Variants in ORC2 observed in about 807,000 individuals in gnomAD.
The protein encoded by ORC2 is origin recognition complex protein 2 homolog.
In ORC2, 37 loss-of-function variants were observed where a neutral mutation model predicts 77.7. That is an observed-to-expected ratio of 0.48 (90% CI 0.37 to 0.63). The LOEUF is 0.63. Among genes scored for constraint, ORC2 ranks in the 20% least tolerant of loss-of-function variants. ORC2 has a pLI of 0.00. For missense variants in ORC2, 557 were observed against 661.9 expected (o/e 0.84, Z 1.74); for synonymous variants, 201 against 229.5 (o/e 0.88, Z 1.12).
intron 8 of ORC2, 48 bp from the exon 9 acceptor site, chr2:200,935,940 A>G (rs746134539): frequency 7.1e-6 from 11 of 1,548,998 alleles, no homozygotes; most frequent in Non-Finnish European, 7.9e-6. Context: ...GTTTGACAAG[A>G]GAGGCATTGT....
chr2:200,926,778 C>G lies in ORC2; in HGVS notation c.1040G>C (p.Ser347Thr). 1 of 1,613,930 alleles carries G rather than the reference C, an allele frequency of 6.2e-7. No individual in the cohort carries two copies. Among genetic ancestry groups the G allele is most frequent in the Non-Finnish European group, 8.5e-7 (1 of 1,179,922 alleles). The change falls in exon 12 of 18, where the codon AGT (serine) becomes ACT (threonine). Residue 347 changes from serine to threonine, a missense_variant. Coordinates refer to ENST00000234296, the MANE Select transcript of ORC2 (RefSeq NM_006190.5). ...ATTTTTGAAACTTACTGATTTCACA[C>G]TGATTCCAGGAAAGAAGCCATTGAT... ...VVINGFFPGI[S>T]VKSVLNSITE...
intron 4 of ORC2, among the ~76,000 whole-genome samples, chr2:200,953,689 G>C (rs1575184223): frequency 6.6e-6 from 1 of 152,300 alleles, no homozygotes. Context: ...AGCAACCCAA[G>C]TGTCCATCTA....
At chr2:200,941,747 GA>G (rs1327048517) in intron 6 of ORC2, among the ~76,000 whole-genome samples, 2 of 152,192 alleles carry the variant, frequency 1.3e-5, no homozygotes, top group African/African-American at 4.8e-5. Flanking sequence ...AGCACTTTGG[GA>G]GGCCAAGGCA....
intron 4 of ORC2, among the ~76,000 whole-genome samples, chr2:200,955,738 T>C (rs970883232): frequency 2.0e-5 from 3 of 152,224 alleles, no homozygotes; most frequent in Non-Finnish European, 2.9e-5. Flanking sequence ...TTTAACACTG[T>C]CCCAGTTCCA....
At chr2:200,961,949 T>C (rs1248669975) in intron 1 of ORC2, among the ~76,000 whole-genome samples, 1 of 152,202 alleles carries the variant, frequency 6.6e-6, no homozygotes, top group Non-Finnish European at 1.5e-5. Context: ...TAAAAACAAA[T>C]ATTCTAGGCA....
chr2:200,963,310 T>A (rs1451766025), intron 1 of ORC2, 180 bp downstream of exon 1: 3 of 396,840 alleles, frequency 7.6e-6, no homozygotes, highest in African/African-American at 6.2e-5. Flanking sequence ...CCGGGCAGCC[T>A]GCGGGGGGCA....
At chr2:200,948,808 C>T (rs1435664775) in intron 5 of ORC2, among the ~76,000 whole-genome samples, 2 of 151,916 alleles carry the variant, frequency 1.3e-5, no homozygotes, top group African/African-American at 4.8e-5. Context: ...AAGGGATCTG[C>T]CTGCCTCCTG....
intron 1 of ORC2, 120 bp downstream of exon 1, chr2:200,963,370 C>G: frequency 2.5e-6 from 1 of 398,148 alleles, no homozygotes; most frequent in Non-Finnish European, 4.4e-6. Context: ...TCCTGAGATG[C>G]GCGACTTGGG....
In ORC2 at chr2:200,921,152, G is replaced by T; in HGVS notation, c.1148-13C>A. The T allele has an allele frequency of 6.5e-7, 1 of 1,530,458 alleles. No homozygotes were observed. Among genetic ancestry groups the T allele is most frequent in the Non-Finnish European group, 8.9e-7 (1 of 1,120,018 alleles). The allele number at this position is 1,530,458 out of a possible 1,614,324, so 94.8% of individuals were successfully genotyped here. A position where few individuals can be genotyped will look rare whatever the true frequency, so the allele number is the denominator to read the frequency against. On this transcript the variant is annotated splice_polypyrimidine_tract_variant and intron_variant, in intron 13 of 17. Coordinates refer to ENST00000234296, the MANE Select transcript of ORC2 (RefSeq NM_006190.5). ...TCTAAAGAAGAATCTAAAAAGAAAA[G>T]AAATCCAATTATTATTATTATTATT...
Position 200,957,420 on chromosome 2 carries a change from A to G in ORC2, c.219T>C (p.Ile73=). 1 of 1,595,590 alleles carries G rather than the reference A, an allele frequency of 6.3e-7. No homozygotes were observed. Among genetic ancestry groups the G allele is most frequent in the East Asian group, 2.3e-5 (1 of 43,890 alleles). The change falls in exon 4 of 18, where the codon ATT becomes ATC. Residue 73 remains isoleucine, a synonymous_variant. Transcript: ENST00000234296. The part of the protein sequence containing the change: ...EVLKDQNYVE[I]MGRDVQESLK... Reference sequence around the variant, plus strand: ...AAATACCTTGAACATCTCTTCCCATAATTTCCACATAGTTCTGATCTTTTA... The same window carrying G: ...AAATACCTTGAACATCTCTTCCCATGATTTCCACATAGTTCTGATCTTTTA...
At chr2:200,961,774 G>GA (rs1176993968) in intron 1 of ORC2, among the ~76,000 whole-genome samples, 4 of 152,152 alleles carry the variant, frequency 2.6e-5, no homozygotes, top group Admixed American at 2.0e-4. Context: ...GTCTGCATCA[G>GA]AAAAAATATA....
chr2:200,944,225 G>A (rs934975187), intron 5 of ORC2, among the ~76,000 whole-genome samples: 1 of 151,610 alleles, frequency 6.6e-6, no homozygotes, highest in African/African-American at 2.4e-5. Flanking sequence ...CCAGGCTGGA[G>A]TGCAGTGGTG....
intron 4 of ORC2, among the ~76,000 whole-genome samples, chr2:200,957,069 C>T (rs2041479411): frequency 1.3e-5 from 2 of 152,052 alleles, no homozygotes; most frequent in Non-Finnish European, 2.9e-5. Flanking sequence ...GGGCTTAAAA[C>T]CTAGATGATG....
intron 7 of ORC2, among the ~76,000 whole-genome samples, chr2:200,939,561 C>A (rs1021916894): frequency 7.9e-5 from 12 of 152,204 alleles, no homozygotes; most frequent in Admixed American, 7.9e-4. Flanking sequence ...ACGATCTTCA[C>A]TGTGTCTACC....
chr2:200,960,273 A>G (rs1380320006), intron 1 of ORC2, among the ~76,000 whole-genome samples: 1 of 152,138 alleles, frequency 6.6e-6, no homozygotes, highest in Non-Finnish European at 1.5e-5. Context: ...CCACCACACC[A>G]GGTCAAAAAA....
At chr2:200,936,248 C>G (rs1268765283) in intron 8 of ORC2, among the ~76,000 whole-genome samples, 2 of 152,090 alleles carry the variant, frequency 1.3e-5, no homozygotes, top group Non-Finnish European at 2.9e-5. Context: ...GGCAATATGC[C>G]CCATCCTAGG....
chr2:200,955,475 G>A (rs1210872650), intron 4 of ORC2, among the ~76,000 whole-genome samples: 1 of 151,892 alleles, frequency 6.6e-6, no homozygotes, highest in African/African-American at 2.4e-5. Context: ...ATTCATCTGT[G>A]GATATTCCAA....
intron 13 of ORC2, among the ~76,000 whole-genome samples, 177 bp downstream of exon 13, chr2:200,925,659 A>G (rs1559009102): frequency 6.6e-6 from 1 of 152,206 alleles, no homozygotes; most frequent in Non-Finnish European, 1.5e-5. Flanking sequence ...GAATTGCTTG[A>G]GCCCAGAAGG....
At chr2:200,933,830 A>T in intron 10 of ORC2, 46 bp downstream of exon 10, 1 of 1,020,666 alleles carries the variant, frequency 9.8e-7, no homozygotes, top group Non-Finnish European at 1.5e-6. Flanking sequence ...CATATTTTTC[A>T]GGACAGAGTA....
Sources: gnomAD v4.1 joint callset for allele counts (sites outside exome capture counted in the v4.1 genomes callset) on GRCh38, gnomAD v4.1.1 for gene constraint, MANE v1.5 for transcripts, NCBI Gene and HGNC (gene_info 2026-07-23, HGNC 2026-07-21) for gene names.